The following PRR5L variants were observed in gnomAD, a reference collection of about 807,000 sequenced individuals.
PRR5L encodes the protein proline-rich protein 5-like.
A neutral mutation model predicts 36.4 loss-of-function variants in PRR5L; 21 were observed. The observed-to-expected ratio is 0.58, with a 90% CI of 0.41 to 0.83. The LOEUF is 0.83. Among genes scored for constraint, PRR5L ranks in the 40% least tolerant of loss-of-function variants. The probability of loss-of-function intolerance (pLI) is 0.00; values close to 1 mark genes in which losing one functional copy is unlikely to be tolerated. For synonymous variants in PRR5L, 188 were observed against 197.0 expected (o/e 0.95, Z 0.38); for missense variants, 381 against 473.3 (o/e 0.80, Z 1.81).
Position 36,410,303 on chromosome 11 carries a change from G to A in PRR5L, c.245+6925G>A, listed in dbSNP as rs576198893. ...GGTCAGATCTGGGCACTGGACTCAC[G>A]GTCTGGTGTGGAGCCTGTCAGGGGA... is the stretch of plus-strand genomic sequence containing the variant. On this transcript the variant is annotated intron_variant, in intron 3 of 8. Transcript: ENST00000530639. 2.6e-5 allele frequency among the ~76,000 whole-genome samples: 4 copies of A among 152,282 alleles called. No homozygotes were observed. The East Asian group carries it at 5.8e-4, about 22-fold the overall frequency.
At chr11:36,308,355 A>C (rs1856456843) in intron 1 of PRR5L, among the ~76,000 whole-genome samples, 2 of 152,172 alleles carry the variant, frequency 1.3e-5, no homozygotes, top group South Asian at 4.1e-4. Context: ...CAATCCTCAA[A>C]GAAAGGGGAT....
At chr11:36,359,831 G>A (rs1367433570) in intron 1 of PRR5L, among the ~76,000 whole-genome samples, 2 of 152,154 alleles carry the variant, frequency 1.3e-5, no homozygotes, top group African/African-American at 2.4e-5. Flanking sequence ...GATCACCTGA[G>A]GTCAGGAGTT....
intron 1 of PRR5L, among the ~76,000 whole-genome samples, chr11:36,383,735 A>G (rs330254): frequency 0.64 from 91,059 of 142,064 alleles, 28,917 homozygotes; most frequent in Non-Finnish European, 0.66. Context: ...TCGCTCTGTC[A>G]CCCAGGCTGG....
intron 1 of PRR5L, chr11:36,349,751 A>G (rs1856908032): frequency 6.6e-6 from 1 of 152,254 alleles, no homozygotes; most frequent in Admixed American, 6.5e-5. Context: ...GCTGGCTGAG[A>G]TGGGCCTGGG....
At chr11:36,456,457 G>C (rs1296341431) in intron 8 of PRR5L, among the ~76,000 whole-genome samples, 1 of 152,246 alleles carries the variant, frequency 6.6e-6, no homozygotes, top group Admixed American at 6.5e-5. Context: ...GTCAAGCCTA[G>C]AGAAGCACAG....
chr11:36,449,378 T>C (rs1858898299), intron 7 of PRR5L, among the ~76,000 whole-genome samples: 1 of 152,150 alleles, frequency 6.6e-6, no homozygotes, highest in Non-Finnish European at 1.5e-5. Flanking sequence ...AGAAAAGAGC[T>C]CTTTCTTAGG....
chr11:36,311,022 T>C (rs535304330), intron 1 of PRR5L, among the ~76,000 whole-genome samples: 1 of 145,928 alleles, frequency 6.9e-6, no homozygotes, highest in South Asian at 2.2e-4. Context: ...AAAAAGAATG[T>C]TCCCAGGAAT....
chr11:36,351,246 A>T lies in PRR5L; in HGVS notation c.-125-49751A>T, dbSNP rs572986116. On this transcript the variant is annotated intron_variant, in intron 1 of 8. Transcript: ENST00000530639. ...TATATATTTATATATATTTATATAT[A>T]TTTTTATATATGTATATTTATATAT... Among the ~76,000 whole-genome samples the T allele has an allele frequency of 2.4e-3, 180 of 74,580 alleles. 6 individuals carry two copies. Among genetic ancestry groups the T allele is most frequent in the African/African-American group, 9.8e-3 (172 of 17,474 alleles). 48.9% of individuals were successfully genotyped at this position (74,580 alleles called of 152,430 possible). A position where few individuals can be genotyped will look rare whatever the true frequency, so the allele number is the denominator to read the frequency against.
intron 6 of PRR5L, among the ~76,000 whole-genome samples, chr11:36,440,688 G>A (rs974513179): frequency 4.6e-5 from 7 of 152,132 alleles, no homozygotes; most frequent in African/African-American, 1.2e-4. Flanking sequence ...AGGAATACCC[G>A]AGACTGGGTA....
chr11:36,328,551 G>A (rs1281904250), intron 1 of PRR5L, among the ~76,000 whole-genome samples: 5 of 152,212 alleles, frequency 3.3e-5, no homozygotes, highest in Non-Finnish European at 7.3e-5. Context: ...CCCCTCAGAA[G>A]CTGAGCAGAT....
intron 1 of PRR5L, among the ~76,000 whole-genome samples, chr11:36,372,673 C>G (rs1857209072): frequency 6.6e-6 from 1 of 152,152 alleles, no homozygotes; most frequent in African/African-American, 2.4e-5. Flanking sequence ...AAACTGGAAA[C>G]TGCACGTTCT....
At chr11:36,305,512 CT>C (rs1269283453) in intron 1 of PRR5L, among the ~76,000 whole-genome samples, 9 of 152,150 alleles carry the variant, frequency 5.9e-5, no homozygotes, top group Non-Finnish European at 1.5e-5. Context: ...GAATTGTATA[CT>C]TTAAATGGTT....
intron 1 of PRR5L, chr11:36,388,247 A>G (rs1024502826): frequency 2.9e-4 from 44 of 152,236 alleles, no homozygotes; most frequent in African/African-American, 1.0e-3. Flanking sequence ...CTGAATAAAT[A>G]AAATTGGTGT....
intron 1 of PRR5L, among the ~76,000 whole-genome samples, chr11:36,365,376 G>A (rs1196641743): frequency 3.3e-5 from 5 of 151,994 alleles, no homozygotes; most frequent in Admixed American, 2.0e-4. Flanking sequence ...ATACAGTCTC[G>A]GGTCCTTTCG....
At chr11:36,336,013 G>C (rs1188719426) in intron 1 of PRR5L, among the ~76,000 whole-genome samples, 1 of 152,164 alleles carries the variant, frequency 6.6e-6, no homozygotes, top group African/African-American at 2.4e-5. Flanking sequence ...GGCAGAACAT[G>C]AGAGGGAATG....
intron 1 of PRR5L, among the ~76,000 whole-genome samples, chr11:36,313,548 A>T (rs188282238): frequency 8.5e-5 from 13 of 152,330 alleles, no homozygotes; most frequent in African/African-American, 2.6e-4. Flanking sequence ...CAGGTGAGCC[A>T]ATGACAAATG....
intron 5 of PRR5L, among the ~76,000 whole-genome samples, chr11:36,434,080 T>C (rs147410862): frequency 1.3e-3 from 199 of 152,270 alleles, no homozygotes; most frequent in African/African-American, 4.5e-3. Flanking sequence ...GTAACCCTCA[T>C]CATAGATACA....
chr11:36,337,370 A>C (rs1856778656), intron 1 of PRR5L, among the ~76,000 whole-genome samples: 2 of 152,120 alleles, frequency 1.3e-5, no homozygotes, highest in Admixed American at 6.6e-5. Flanking sequence ...GCCATCTATG[A>C]AGCAGTGAGC....
At chr11:36,402,856 TA>T (rs1383428107) in intron 2 of PRR5L, among the ~76,000 whole-genome samples, 1 of 152,162 alleles carries the variant, frequency 6.6e-6, no homozygotes, top group African/African-American at 2.4e-5. Flanking sequence ...AAAGTGCTGT[TA>T]AAAAGGAAAG....
Sources: gnomAD v4.1 joint callset for allele counts (sites outside exome capture counted in the v4.1 genomes callset) on GRCh38, gnomAD v4.1.1 for gene constraint, MANE v1.5 for transcripts, NCBI Gene and HGNC (gene_info 2026-07-23, HGNC 2026-07-21) for gene names.